The following DLGAP2 variants were observed in gnomAD, a reference collection of about 807,000 sequenced individuals.
DLGAP2 encodes DLG associated protein 2, also known as disks large-associated protein 2.
Under a neutral mutation model 100.3 loss-of-function variants are expected in DLGAP2, and 26 were observed. The observed-to-expected ratio is 0.26, with a 90% CI of 0.19 to 0.36. DLGAP2 has a LOEUF of 0.36. DLGAP2 is among the 10% of genes least tolerant of loss of function. The pLI, the probability that DLGAP2 is intolerant of heterozygous loss-of-function variation, is 1.00. For missense variants in DLGAP2, 1,858 were observed against 1,453.2 expected (o/e 1.28, Z -4.53); for synonymous variants, 886 against 630.1 (o/e 1.41, Z -6.08).
chr8:1,668,316 TC>T lies in DLGAP2; in HGVS notation c.1811-12del, dbSNP rs767273747. 27 of 1,469,648 alleles carry T rather than the reference TC, an allele frequency of 1.8e-5. No homozygotes were observed. In the Admixed American group the frequency reaches 2.9e-4, roughly 16 times the overall value. 91.0% of individuals were successfully genotyped at this position (1,469,648 alleles called of 1,614,324 possible). On this transcript the variant is annotated splice_polypyrimidine_tract_variant and intron_variant, in intron 8 of 14. Coordinates refer to ENST00000637795, the MANE Select transcript of DLGAP2 (RefSeq NM_001346810.2). ...GAACACGCCTGTTGACTTGGGACTT[TC>T]TTTTCTTACAGCTGTCTCATATACA...
chr8:785,190 C>A (rs959689642), intron 1 of DLGAP2, among the ~76,000 whole-genome samples: 1 of 125,846 alleles, frequency 7.9e-6, no homozygotes, highest in African/African-American at 3.1e-5. Context: ...GCATTTTGGC[C>A]TGGCCTGGGC....
At chr8:913,258 G>C (rs936656359) in intron 2 of DLGAP2, among the ~76,000 whole-genome samples, 1 of 152,170 alleles carries the variant, frequency 6.6e-6, no homozygotes, top group Non-Finnish European at 1.5e-5. Context: ...AAACGGCAGA[G>C]GGACACCATT....
intron 2 of DLGAP2, among the ~76,000 whole-genome samples, chr8:1,178,659 C>T (rs900392145): frequency 6.6e-6 from 1 of 152,116 alleles, no homozygotes; most frequent in African/African-American, 2.4e-5. Context: ...AGCTCTCAAA[C>T]CCACCTTGAA....
intron 2 of DLGAP2, among the ~76,000 whole-genome samples, chr8:1,258,335 C>T (rs1400451521): frequency 6.6e-6 from 1 of 151,550 alleles, no homozygotes; most frequent in Admixed American, 6.6e-5. Flanking sequence ...TGTGACAGGT[C>T]GTTACTACCA....
chr8:1,130,850 G>A (rs1796277903), intron 2 of DLGAP2, among the ~76,000 whole-genome samples: 1 of 140,278 alleles, frequency 7.1e-6, no homozygotes, highest in African/African-American at 2.5e-5. Context: ...CCTGATGAGG[G>A]GAAGGGTGGC....
chr8:1,188,834 A>G (rs1277711116), intron 2 of DLGAP2, among the ~76,000 whole-genome samples: 1 of 151,840 alleles, frequency 6.6e-6, no homozygotes, highest in Non-Finnish European at 1.5e-5. Context: ...GCCTTTTTTT[A>G]GGAAACAATG....
chr8:1,286,979 T>G (rs953148764), intron 3 of DLGAP2, among the ~76,000 whole-genome samples: 3 of 152,246 alleles, frequency 2.0e-5, no homozygotes, highest in African/African-American at 7.2e-5. Flanking sequence ...CTTAGCAAAT[T>G]ATTTTTAAAA....
In DLGAP2 at chr8:831,720, G is replaced by T. The variant is rs1265499501; in HGVS notation, c.19-76192G>T. Among the ~76,000 whole-genome samples the T allele has an allele frequency of 7.2e-5, 11 of 152,064 alleles. No individual in the cohort carries two copies. In the Middle Eastern group the frequency reaches 0.01, roughly 141 times the overall value. On this transcript the variant is annotated intron_variant, in intron 1 of 14. Coordinates refer to ENST00000637795, the MANE Select transcript of DLGAP2 (RefSeq NM_001346810.2). ...TAGTAGTATGATTTATAATCCTTTG[G>T]GTATATACCCAGTAATTAGATCACT...
rs78634391 is a variant in DLGAP2 at position 1,409,582 on chromosome 8, T to G, written c.107-91784T>G. ...GTGATGGTGAATCTTCTCCGTCACC[T>G]AGACTGGGATAGGGGATGCCCACAG... On this transcript the variant is annotated intron_variant, in intron 3 of 14. Transcript: ENST00000637795. 3.5e-3 allele frequency among the ~76,000 whole-genome samples: 532 copies of G among 151,064 alleles called. 10 individuals are homozygous for G. In the East Asian group the frequency reaches 0.051, roughly 14 times the overall value.
At chr8:1,159,068 A>C (rs1796843726) in intron 2 of DLGAP2, among the ~76,000 whole-genome samples, 1 of 152,196 alleles carries the variant, frequency 6.6e-6, no homozygotes, top group African/African-American at 2.4e-5. Context: ...CAGGAGCCAC[A>C]CTGCTCTGTT....
intron 2 of DLGAP2, among the ~76,000 whole-genome samples, chr8:1,196,002 C>T (rs113577317): frequency 2.0e-3 from 306 of 152,302 alleles, no homozygotes; most frequent in African/African-American, 6.9e-3. Flanking sequence ...TGCTCACGTT[C>T]GTGAGCAGAG....
chr8:915,437 C>T (rs1239064568), intron 2 of DLGAP2, among the ~76,000 whole-genome samples: 2 of 152,106 alleles, frequency 1.3e-5, no homozygotes, highest in African/African-American at 2.4e-5. Flanking sequence ...GTCCTAGCTA[C>T]TCGGGAGGCT....
chr8:927,156 G>C (rs2129002554), intron 2 of DLGAP2: 1 of 985,442 alleles, frequency 1.0e-6, no homozygotes, highest in Admixed American at 6.1e-5. Flanking sequence ...TGAAGCTGGT[G>C]ATGATGTGTC....
At chr8:1,457,994 A>ATATG (rs961564210) in intron 3 of DLGAP2, among the ~76,000 whole-genome samples, 1 of 136,420 alleles carries the variant, frequency 7.3e-6, no homozygotes, top group African/African-American at 2.9e-5. Flanking sequence ...ATATATATAT[A>ATATG]TATATATATA....
chr8:814,960 T>C (rs1474341345), intron 1 of DLGAP2, among the ~76,000 whole-genome samples: 1 of 148,782 alleles, frequency 6.7e-6, no homozygotes, highest in African/African-American at 2.5e-5. Flanking sequence ...ATTAATGAAA[T>C]AGAAGATTAA....
intron 3 of DLGAP2, among the ~76,000 whole-genome samples, chr8:1,359,517 C>G (rs1318974547): frequency 6.6e-6 from 1 of 152,274 alleles, no homozygotes; most frequent in Non-Finnish European, 1.5e-5. Flanking sequence ...AAGGGGCAAG[C>G]TGGTTCGTGG....
chr8:1,161,138 G>A (rs575796767), intron 2 of DLGAP2, among the ~76,000 whole-genome samples: 1 of 152,302 alleles, frequency 6.6e-6, no homozygotes, highest in East Asian at 1.9e-4. Flanking sequence ...AATAGAAAAC[G>A]GTCTTACATT....
rs76776127 is a variant in DLGAP2 at position 1,545,204 on chromosome 8, G to A, written c.173-3422G>A. ...GTCCTGGGAGACTTTGAGAGGGATCGGTGTTAATTCTTTTTTAAATATTGA... is the reference window on the plus strand; with the variant it reads ...GTCCTGGGAGACTTTGAGAGGGATCAGTGTTAATTCTTTTTTAAATATTGA... On this transcript the variant is annotated intron_variant, in intron 4 of 14. Coordinates refer to ENST00000637795, the MANE Select transcript of DLGAP2 (RefSeq NM_001346810.2). Among the ~76,000 whole-genome samples, 11 of 152,164 alleles carry A rather than the reference G, an allele frequency of 7.2e-5. No individual in the cohort carries two copies. The East Asian group carries it at 1.4e-3, about 19-fold the overall frequency.
chr8:951,123 A>G (rs1799468967), intron 2 of DLGAP2, among the ~76,000 whole-genome samples: 1 of 152,160 alleles, frequency 6.6e-6, no homozygotes, highest in South Asian at 2.1e-4. Flanking sequence ...ATATCTTTCC[A>G]TATTCATTTT....
Sources: allele counts gnomAD v4.1 joint callset (sites outside exome capture counted in the v4.1 genomes callset), GRCh38; gene constraint gnomAD v4.1.1; transcripts MANE v1.5; gene names NCBI Gene and HGNC (gene_info 2026-07-23, HGNC 2026-07-21).